Variants in GRM8 observed in about 807,000 individuals in gnomAD.
GRM8 encodes the protein metabotropic glutamate receptor 8.
GRM8 carries 47 observed loss-of-function variants against 87.2 expected under a neutral mutation model. That is an observed-to-expected ratio of 0.54 (90% CI 0.43 to 0.69). The LOEUF is 0.69. GRM8 is among the 30% of genes least tolerant of loss of function. The pLI is 0.00. For missense variants in GRM8, 1,019 were observed against 1,139.2 expected, an observed-to-expected ratio of 0.89 and a Z score of 1.52; for synonymous variants, 396 against 404.5, an observed-to-expected ratio of 0.98 and a Z score of 0.25.
chr7:126,937,057 C>G (rs1313601701), intron 3 of GRM8, among the ~76,000 whole-genome samples: 1 of 152,168 alleles, frequency 6.6e-6, no homozygotes, highest in Non-Finnish European at 1.5e-5. Context: ...CTGAGGACTC[C>G]TGCTAGAAAA....
chr7:126,688,718 A>AT (rs1480564085), intron 7 of GRM8, among the ~76,000 whole-genome samples: 7 of 141,660 alleles, frequency 4.9e-5, no homozygotes, highest in Admixed American at 2.1e-4. Flanking sequence ...TCCTTTCCCT[A>AT]TTTTCTCTCT....
At chr7:126,743,917 AAG>A (rs1229216651) in intron 7 of GRM8, among the ~76,000 whole-genome samples, 2 of 152,062 alleles carry the variant, frequency 1.3e-5, no homozygotes, top group Non-Finnish European at 2.9e-5. Flanking sequence ...AAATAAGAAA[AAG>A]AAAAAGCAAC....
intron 7 of GRM8, among the ~76,000 whole-genome samples, chr7:126,769,360 G>A (rs546346159): frequency 4.6e-5 from 7 of 152,120 alleles, no homozygotes; most frequent in African/African-American, 1.4e-4. Context: ...CTTTGCTTCC[G>A]AAGGACTGAG....
intron 3 of GRM8, among the ~76,000 whole-genome samples, chr7:126,934,485 A>G (rs1451543870): frequency 1.3e-5 from 2 of 152,232 alleles, no homozygotes; most frequent in Non-Finnish European, 2.9e-5. Flanking sequence ...TATATCTTCA[A>G]ATGACTGGCA....
At chr7:127,069,323 C>T (rs1037191198) in intron 3 of GRM8, among the ~76,000 whole-genome samples, 13 of 152,078 alleles carry the variant, frequency 8.5e-5, no homozygotes, top group African/African-American at 2.4e-4. Context: ...CCAACATGCC[C>T]AGCTAATTTT....
At chr7:127,137,515 G>C (rs1828010949) in intron 2 of GRM8, among the ~76,000 whole-genome samples, 1 of 152,092 alleles carries the variant, frequency 6.6e-6, no homozygotes, top group Non-Finnish European at 1.5e-5. Flanking sequence ...TATGTGAATA[G>C]ATTTTATCAA....
At chr7:126,708,989 G>A (rs908279713) in intron 7 of GRM8, among the ~76,000 whole-genome samples, 2 of 152,072 alleles carry the variant, frequency 1.3e-5, no homozygotes, top group Non-Finnish European at 2.9e-5. Flanking sequence ...TGCAAAATAT[G>A]TGAAGTAATG....
chr7:126,468,878 T>G, intron 9 of GRM8, among the ~76,000 whole-genome samples: 1 of 152,126 alleles, frequency 6.6e-6, no homozygotes, highest in African/African-American at 2.4e-5. Flanking sequence ...AGAACATGAC[T>G]AATTCATGTA....
chr7:126,847,427 T>C (rs1002744), intron 6 of GRM8, among the ~76,000 whole-genome samples: 39,147 of 152,040 alleles, frequency 0.26, 6,228 homozygotes, highest in East Asian at 0.57. Flanking sequence ...CAGCAAAATT[T>C]ATTTTGCGTA....
chr7:126,679,156 CA>C (rs1807284590), intron 7 of GRM8, among the ~76,000 whole-genome samples: 4 of 152,190 alleles, frequency 2.6e-5, no homozygotes, highest in African/African-American at 9.6e-5. Context: ...GATGAGTAAG[CA>C]TAGTACCTCC....
At chr7:126,691,969 G>T (rs59488715) in intron 7 of GRM8, among the ~76,000 whole-genome samples, 4,207 of 152,242 alleles carry the variant, frequency 0.028, 212 homozygotes, top group African/African-American at 0.096. Context: ...TTACATTTAG[G>T]TCTGAGCATG....
At chr7:127,114,994 A>G (rs912539854) in intron 2 of GRM8, among the ~76,000 whole-genome samples, 1 of 152,132 alleles carries the variant, frequency 6.6e-6, no homozygotes, top group Non-Finnish European at 1.5e-5. Flanking sequence ...GTTACCCATG[A>G]GCCCTAAGAG....
Position 126,532,764 on chromosome 7 carries a change from G to GATATATATATAT in GRM8, c.2430+176_2430+187dup, listed in dbSNP as rs521. On this transcript the variant is annotated intron_variant, in intron 9 of 10. Transcript: ENST00000339582. ...AAGCAATGTGACCTTGACGGATGGAGATATATATATATATATATATATATA... is the reference window on the plus strand; with the variant it reads ...AAGCAATGTGACCTTGACGGATGGAGATATATATATATATATATATATATATATATATATATA... 5.0e-4 allele frequency among the ~76,000 whole-genome samples: 55 copies of GATATATATATAT among 110,986 alleles called. 2 individuals carry two copies. The highest frequency in any genetic ancestry group is 9.4e-4 in the South Asian group (3 of 3,176). 72.8% of individuals were successfully genotyped at this position (110,986 alleles called of 152,430 possible).
chr7:126,809,972 C>T (rs1236071317), intron 6 of GRM8, among the ~76,000 whole-genome samples: 1 of 152,094 alleles, frequency 6.6e-6, no homozygotes, highest in Non-Finnish European at 1.5e-5. Context: ...TCCACTTACT[C>T]TCAGTCTTAG....
intron 9 of GRM8, among the ~76,000 whole-genome samples, chr7:126,525,105 C>G (rs1813632908): frequency 6.6e-6 from 1 of 152,120 alleles, no homozygotes; most frequent in Non-Finnish European, 1.5e-5. Flanking sequence ...GGTTGCATGA[C>G]AAAGATTACT....
intron 8 of GRM8, among the ~76,000 whole-genome samples, chr7:126,542,187 G>T (rs1455333778): frequency 6.6e-6 from 1 of 152,146 alleles, no homozygotes. Context: ...AAGCCACCCA[G>T]TCTGTGGTAC....
chr7:126,990,113 A>C (rs1049775029), intron 3 of GRM8, among the ~76,000 whole-genome samples: 1 of 152,198 alleles, frequency 6.6e-6, no homozygotes, highest in Non-Finnish European at 1.5e-5. Context: ...TGCTAACCTA[A>C]GAGAATCAGC....
At chr7:126,715,538 T>C (rs1010894503) in intron 7 of GRM8, among the ~76,000 whole-genome samples, 6 of 152,200 alleles carry the variant, frequency 3.9e-5, no homozygotes, top group Non-Finnish European at 8.8e-5. Flanking sequence ...CTACATTTTT[T>C]ACATTTGTGG....
Position 126,533,542 on chromosome 7 carries a change from C to G in GRM8, c.1840G>C (p.Val614Leu). 1 of 1,614,062 alleles carries G rather than the reference C, an allele frequency of 6.2e-7. No individual in the cohort carries two copies. The highest frequency in any genetic ancestry group is 8.5e-7 in the Non-Finnish European group (1 of 1,179,980). The change falls in exon 9 of 11, where the codon GTG (valine) becomes CTG (leucine). Residue 614 changes from valine to leucine, a missense_variant. By Grantham distance (32) the Val-to-Leu change is conservative (BLOSUM62 1). Transcript: ENST00000339582. Reference sequence around the variant, plus strand: ...CTAAGTTCGCGTCCTGAAGCCCTCACGATAGGTGTGTCATTATAGCGGACA... The same window carrying G: ...CTAAGTTCGCGTCCTGAAGCCCTCAGGATAGGTGTGTCATTATAGCGGACA... ...TFVRYNDTPI[V>L]RASGRELSYV... is the part of the protein sequence containing the mutation.
Sources: allele counts gnomAD v4.1 joint callset (sites outside exome capture counted in the v4.1 genomes callset), GRCh38; gene constraint gnomAD v4.1.1; transcripts MANE v1.5; gene names NCBI Gene and HGNC (gene_info 2026-07-23, HGNC 2026-07-21).